The following NEK5 variants were observed in gnomAD, a reference collection of about 807,000 sequenced individuals.
NEK5 encodes serine/threonine-protein kinase Nek5.
NEK5 carries 88 observed loss-of-function variants against 109.2 expected under a neutral mutation model. The ratio of observed to expected loss-of-function variants is 0.81; its 90% CI spans 0.68 to 0.96. The LOEUF (loss-of-function observed/expected upper bound fraction) is 0.96. Ranked by LOEUF, NEK5 falls within the 40% of genes least tolerant of loss-of-function variation. The pLI is 0.00. For synonymous variants in NEK5, 283 were observed against 299.9 expected, an observed-to-expected ratio of 0.94 and a Z score of 0.58; for missense variants, 834 against 920.7, an observed-to-expected ratio of 0.91 and a Z score of 1.22.
chr13:52,119,359 C>T lies in NEK5; in HGVS notation c.174G>A (p.Met58Ile). 2.5e-6 allele frequency: 4 copies of T among 1,604,278 alleles called. No homozygotes were observed. Among genetic ancestry groups the T allele is most frequent in the Non-Finnish European group, 3.4e-6 (4 of 1,173,152 alleles). Reference sequence around the variant, plus strand: ...AGAAGGCTACAATGTTGGGATGTTTCATCTTTTCCAGAAGAATCACTTCTT... The same window carrying T: ...AGAAGGCTACAATGTTGGGATGTTTTATCTTTTCCAGAAGAATCACTTCTT... Reference protein sequence around the residue: ...SKKEVILLEKMKHPNIVAFFN... With the variant: ...SKKEVILLEKIKHPNIVAFFN... The change falls in exon 4 of 24, where the codon ATG becomes ATA. Residue 58 changes from methionine (M) to isoleucine (I), a missense_variant. Around this residue, in one of 2 missense-constraint regions of NEK5, gnomAD observed 777 missense variants for 824.7 expected, o/e 0.94. Coordinates refer to ENST00000684899, the MANE Select transcript of NEK5 (RefSeq NM_001365552.1).
chr13:52,105,612 C>T (rs542426886), intron 8 of NEK5, among the ~76,000 whole-genome samples: 1 of 152,216 alleles, frequency 6.6e-6, no homozygotes, highest in African/African-American at 2.4e-5. Context: ...CTTCCACAGA[C>T]CCAAACTTCT....
In NEK5 at chr13:52,087,319, G is replaced by A; in HGVS notation, c.1392+19C>T. The A allele has an allele frequency of 2.5e-6, 3 of 1,196,862 alleles. No homozygotes were observed. Among genetic ancestry groups the A allele is most frequent in the Admixed American group, 3.4e-5 (2 of 58,812 alleles). 74.1% of individuals were successfully genotyped at this position (1,196,862 alleles called of 1,614,324 possible). ...ACAAAGAAATACAAGGGTAGCCCTGGAATTAAACAGTTTTTAACCTGTTCC... is the reference window on the plus strand; with the variant it reads ...ACAAAGAAATACAAGGGTAGCCCTGAAATTAAACAGTTTTTAACCTGTTCC... On this transcript the variant is annotated intron_variant, in intron 15 of 23. Transcript: ENST00000684899.
In NEK5 at chr13:52,111,661, T is replaced by C. The variant is rs1052759579; in HGVS notation, c.312+607A>G. Among the ~76,000 whole-genome samples the C allele has an allele frequency of 4.6e-5, 7 of 152,194 alleles. No individual in the cohort carries two copies. The South Asian group carries it at 6.2e-4, about 13-fold the overall frequency. On this transcript the variant is annotated intron_variant, in intron 5 of 23. Coordinates refer to ENST00000684899, the MANE Select transcript of NEK5 (RefSeq NM_001365552.1). ...TTACCATCAATCATAAAGGAGCTAA[T>C]TCAGATTCCTCTCCACACATACAAA...
At chr13:52,079,752 C>A in intron 17 of NEK5, among the ~76,000 whole-genome samples, 1 of 135,198 alleles carries the variant, frequency 7.4e-6, no homozygotes, top group Admixed American at 7.1e-5. Flanking sequence ...CGTCTCTGCC[C>A]GGCCGCCCAT....
At chr13:52,095,615 C>T (rs1955393771) in intron 12 of NEK5, among the ~76,000 whole-genome samples, 1 of 152,194 alleles carries the variant, frequency 6.6e-6, no homozygotes, top group Non-Finnish European at 1.5e-5. Context: ...AGGCTGGGCA[C>T]AGTGGCTCAC....
At chr13:52,072,206 A>C in intron 19 of NEK5, 136 bp from the exon 20 acceptor site, 2 of 651,544 alleles carry the variant, frequency 3.1e-6, no homozygotes, top group Non-Finnish European at 5.2e-6. Context: ...TAAACAAATA[A>C]ATCCATAGAG....
chr13:52,060,127 C>A (rs1954598960), intron 22 of NEK5, among the ~76,000 whole-genome samples: 2 of 151,908 alleles, frequency 1.3e-5, no homozygotes, highest in Non-Finnish European at 2.9e-5. Flanking sequence ...ACATATAATG[C>A]TAAGATATTA....
intron 3 of NEK5, among the ~76,000 whole-genome samples, chr13:52,121,753 ATAGT>A (rs913954824): frequency 8.5e-5 from 13 of 152,188 alleles, no homozygotes; most frequent in African/African-American, 2.9e-4. Flanking sequence ...ACTGTTGTTA[ATAGT>A]TAGAGCTTTT....
At chr13:52,126,307 A>G (rs777833262) in intron 3 of NEK5, among the ~76,000 whole-genome samples, 22 of 152,354 alleles carry the variant, frequency 1.4e-4, no homozygotes, top group Non-Finnish European at 2.5e-4. Flanking sequence ...TTTATTTTCC[A>G]AAATCATTAG....
At chr13:52,080,584 G>A (rs1195683194) in intron 17 of NEK5, among the ~76,000 whole-genome samples, 1 of 152,160 alleles carries the variant, frequency 6.6e-6, no homozygotes, top group Non-Finnish European at 1.5e-5. Context: ...GTTGATCTGT[G>A]ACCTTACCCC....
intron 3 of NEK5, among the ~76,000 whole-genome samples, chr13:52,124,091 CT>C (rs1336795596): frequency 6.6e-6 from 1 of 152,184 alleles, no homozygotes; most frequent in Non-Finnish European, 1.5e-5. Flanking sequence ...GGGAGGATCA[CT>C]TGAGGCCAGC....
At chr13:52,081,024 T>G (rs1340992956) in intron 17 of NEK5, among the ~76,000 whole-genome samples, 1 of 151,250 alleles carries the variant, frequency 6.6e-6, no homozygotes, top group African/African-American at 2.4e-5. Context: ...ATTTAGAGCT[T>G]TGGGTATGTT....
At position 52,072,026 on chromosome 13, in the gene NEK5, C is replaced by A. The variant is rs138250063; in HGVS notation, c.1767G>T (p.Met589Ile). 3 of 1,610,798 alleles carry A rather than the reference C, an allele frequency of 1.9e-6. No individual in the cohort carries two copies. In the African/African-American group the frequency reaches 4.0e-5, roughly 22 times the overall value. ...TTACACATTCATATTCCTTAAACTT[C>A]ATGCCATCCTCAAAGGTCAAAGTTT... ...PNETLTFEDG[M>I]KFKEYECVKE... The change falls in exon 20 of 24, where the codon ATG becomes ATT. Residue 589 changes from methionine to isoleucine, a missense_variant. Transcript: ENST00000684899.
intron 22 of NEK5, among the ~76,000 whole-genome samples, chr13:52,057,383 G>C (rs1954567940): frequency 6.6e-6 from 1 of 151,224 alleles, no homozygotes; most frequent in Non-Finnish European, 1.5e-5. Flanking sequence ...GGAGGAACTG[G>C]TACCATTCCT....
At chr13:52,070,198 G>A (rs1002568005) in intron 20 of NEK5, among the ~76,000 whole-genome samples, 26 of 152,216 alleles carry the variant, frequency 1.7e-4, no homozygotes, top group Admixed American at 7.2e-4. Flanking sequence ...CCAGCAGGCT[G>A]TATGGATCCC....
At chr13:52,039,478 C>T (rs1467438307) in intron 23 of NEK5, among the ~76,000 whole-genome samples, 1 of 152,152 alleles carries the variant, frequency 6.6e-6, no homozygotes, top group Non-Finnish European at 1.5e-5. Context: ...TATGCTGTGT[C>T]TAGGTATAAA....
chr13:52,063,414 G>A (rs983830333), intron 21 of NEK5, among the ~76,000 whole-genome samples: 47 of 152,278 alleles, frequency 3.1e-4, no homozygotes, highest in Middle Eastern at 3.4e-3. Context: ...GCGTGATCGC[G>A]GCTCGCTACA....
intron 3 of NEK5, among the ~76,000 whole-genome samples, chr13:52,125,512 G>A (rs112201379): frequency 0.044 from 6,632 of 152,238 alleles, 140 homozygotes; most frequent in East Asian, 0.062. Flanking sequence ...GCAGTGAGCC[G>A]AGATGGCACC....
chr13:52,128,748 C>A (rs1803810733), intron 1 of NEK5: 1 of 152,204 alleles, frequency 6.6e-6, no homozygotes, highest in Non-Finnish European at 1.5e-5. Flanking sequence ...GGGTGGAAGC[C>A]CCCAAATTAG....
Sources: allele counts gnomAD v4.1 joint callset (sites outside exome capture counted in the v4.1 genomes callset), GRCh38; gene constraint gnomAD v4.1.1; regional missense constraint gnomAD v4.1.1; transcripts MANE v1.5; gene names NCBI Gene and HGNC (gene_info 2026-07-23, HGNC 2026-07-21).